The following CLMP variants were observed in gnomAD, a reference collection of about 807,000 sequenced individuals.
CLMP encodes CXADR-like membrane protein.
Under a neutral mutation model 45.2 loss-of-function variants are expected in CLMP, and 27 were observed. The ratio of observed to expected loss-of-function variants is 0.60; its 90% CI spans 0.44 to 0.82. The LOEUF (loss-of-function observed/expected upper bound fraction) is 0.82, where lower values mean the gene tolerates loss of function less well. Among genes scored for constraint, CLMP ranks in the 40% least tolerant of loss-of-function variants. The pLI is 0.00. For missense variants in CLMP, 403 were observed against 448.4 expected (o/e 0.90, Z 0.91); for synonymous variants, 167 against 171.4 (o/e 0.97, Z 0.20).
At chr11:123,194,793 T>G (rs537803577) in intron 1 of CLMP, 120 bp downstream of exon 1, 2 of 1,291,974 alleles carry the variant, frequency 1.5e-6, no homozygotes, top group African/African-American at 2.9e-5. Flanking sequence ...AGGCAGGGAC[T>G]GAAAAGCCGG....
At chr11:123,075,400 G>T (rs1865726516) in intron 5 of CLMP, among the ~76,000 whole-genome samples, 1 of 148,792 alleles carries the variant, frequency 6.7e-6, no homozygotes, top group Non-Finnish European at 1.5e-5. Context: ...TTGTTTGTTT[G>T]TTTTGAGAGG....
intron 1 of CLMP, among the ~76,000 whole-genome samples, chr11:123,119,228 C>T (rs1337342509): frequency 1.3e-5 from 2 of 151,744 alleles, no homozygotes; most frequent in Non-Finnish European, 2.9e-5. Context: ...GAATTACAGG[C>T]ACGCGCCACC....
intron 1 of CLMP, among the ~76,000 whole-genome samples, chr11:123,153,302 G>A (rs1197897494): frequency 6.6e-6 from 1 of 152,176 alleles, no homozygotes; most frequent in Admixed American, 6.5e-5. Flanking sequence ...CCAAGACGGA[G>A]GGCTCAACTG....
chr11:123,087,742 AC>A (rs765879562), intron 2 of CLMP, among the ~76,000 whole-genome samples: 4 of 151,384 alleles, frequency 2.6e-5, no homozygotes, highest in Non-Finnish European at 2.9e-5. Flanking sequence ...AATCGCTGGA[AC>A]CCAGGAGGCA....
At chr11:123,189,676 G>A (rs924369390) in intron 1 of CLMP, among the ~76,000 whole-genome samples, 3 of 152,060 alleles carry the variant, frequency 2.0e-5, no homozygotes, top group Admixed American at 6.6e-5. Flanking sequence ...ACATTTACTA[G>A]GTATGCTTTA....
intron 1 of CLMP, among the ~76,000 whole-genome samples, chr11:123,176,841 A>G (rs1861706776): frequency 6.6e-6 from 1 of 152,196 alleles, no homozygotes; most frequent in African/African-American, 2.4e-5. Context: ...TGACAGACAC[A>G]AGGGTAGTGC....
chr11:123,131,804 C>T (rs371692882), intron 1 of CLMP, among the ~76,000 whole-genome samples: 2 of 152,018 alleles, frequency 1.3e-5, no homozygotes, highest in Non-Finnish European at 1.5e-5. Flanking sequence ...TTAGTAGAGA[C>T]GTGGTTTCAC....
Position 123,071,554 on chromosome 11 carries a change from T to C in CLMP, c.*1920A>G, listed in dbSNP as rs1229789092. 6.6e-6 allele frequency: 1 copy of C among 152,156 alleles called. No individual in the cohort carries two copies. Among genetic ancestry groups the C allele is most frequent in the East Asian group, 1.9e-4 (1 of 5,190 alleles). The allele number at this position is 152,156 out of a possible 1,614,324, so 9.4% of individuals were successfully genotyped here. A position where few individuals can be genotyped will look rare whatever the true frequency, so the allele number is the denominator to read the frequency against. On this transcript the variant is annotated 3_prime_UTR_variant, in exon 7 of 7. Coordinates refer to ENST00000448775, the MANE Select transcript of CLMP (RefSeq NM_024769.5). ...GCCTGGCCAACATGGAGAAACCCTG[T>C]CTCTATCAGAACTCCAAAAATTAGC...
chr11:123,130,026 C>G (rs1860962654), intron 1 of CLMP, among the ~76,000 whole-genome samples: 1 of 151,880 alleles, frequency 6.6e-6, no homozygotes, highest in East Asian at 1.9e-4. Flanking sequence ...TTCAAAACCA[C>G]TAAGCCACAG....
chr11:123,121,967 T>C (rs565071430), intron 1 of CLMP, among the ~76,000 whole-genome samples: 8 of 152,078 alleles, frequency 5.3e-5, no homozygotes, highest in Non-Finnish European at 1.2e-4. Flanking sequence ...AGTCTTGAAC[T>C]CCTGGACTCA....
intron 1 of CLMP, among the ~76,000 whole-genome samples, chr11:123,150,504 G>GAAGGAAGGAAGGAAGGAAAGAAACAAGC (rs1861312307): frequency 8.6e-6 from 1 of 116,552 alleles, no homozygotes; most frequent in Non-Finnish European, 1.8e-5. Flanking sequence ...AGGAAGGAAG[G>GAAGGAAGGAAGGAAGGAAAGAAACAAGC]AAGGAAGGAA....
chr11:123,083,232 T>C (rs1429344353), intron 4 of CLMP, 25 bp from the exon 5 acceptor site: 1 of 1,608,168 alleles, frequency 6.2e-7, no homozygotes, highest in Non-Finnish European at 8.5e-7. Context: ...AGAATGACTG[T>C]AAATCCCTTT....
At chr11:123,140,256 A>G (rs1861135477) in intron 1 of CLMP, among the ~76,000 whole-genome samples, 1 of 152,182 alleles carries the variant, frequency 6.6e-6, no homozygotes, top group South Asian at 2.1e-4. Flanking sequence ...TAGGGTTACT[A>G]GTAGGAGGAG....
At chr11:123,109,258 C>G (rs1860604794) in intron 1 of CLMP, among the ~76,000 whole-genome samples, 1 of 152,098 alleles carries the variant, frequency 6.6e-6, no homozygotes, top group Admixed American at 6.6e-5. Context: ...CCTTCAAATC[C>G]TTCAAAAGAG....
At chr11:123,118,352 C>A (rs575304515) in intron 1 of CLMP, among the ~76,000 whole-genome samples, 1 of 152,286 alleles carries the variant, frequency 6.6e-6, no homozygotes, top group South Asian at 2.1e-4. Context: ...CCAGGCTAGT[C>A]TCGAACTCCT....
At chr11:123,159,248 G>C (rs1339583444) in intron 1 of CLMP, among the ~76,000 whole-genome samples, 1 of 152,228 alleles carries the variant, frequency 6.6e-6, no homozygotes, top group Non-Finnish European at 1.5e-5. Context: ...TCAGTGAGAA[G>C]GTAAATATCA....
At chr11:123,183,648 C>G (rs1187114612) in intron 1 of CLMP, among the ~76,000 whole-genome samples, 2 of 152,150 alleles carry the variant, frequency 1.3e-5, no homozygotes, top group African/African-American at 4.8e-5. Flanking sequence ...CCTGAGGAAC[C>G]CACAGGACAT....
At chr11:123,149,444 T>C (rs11219023) in intron 1 of CLMP, among the ~76,000 whole-genome samples, 22,620 of 152,170 alleles carry the variant, frequency 0.15, 1,936 homozygotes, top group South Asian at 0.25. Flanking sequence ...CTTATACATA[T>C]CATGTCATCA....
At chr11:123,145,027 A>G (rs1221931073) in intron 1 of CLMP, among the ~76,000 whole-genome samples, 1 of 152,182 alleles carries the variant, frequency 6.6e-6, no homozygotes, top group African/African-American at 2.4e-5. Context: ...CACCCACCAG[A>G]TTTTAAAGAC....
Sources: gnomAD v4.1 joint callset for allele counts (sites outside exome capture counted in the v4.1 genomes callset) on GRCh38, gnomAD v4.1.1 for gene constraint, MANE v1.5 for transcripts, NCBI Gene and HGNC (gene_info 2026-07-23, HGNC 2026-07-21) for gene names.